GPATCH2: variants seen among roughly 807,000 people sequenced by gnomAD.
The protein encoded by GPATCH2 is G-patch domain containing 2.
Under a neutral mutation model 58.0 loss-of-function variants are expected in GPATCH2, and 51 were observed. That is an observed-to-expected ratio of 0.88 (90% CI 0.70 to 1.11). GPATCH2 has a LOEUF of 1.11. Ranked by LOEUF, GPATCH2 falls within the 50% of genes most tolerant of loss-of-function variation. The probability of loss-of-function intolerance (pLI) is 0.00; values close to 1 mark genes in which losing one functional copy is unlikely to be tolerated. For synonymous variants in GPATCH2, 222 were observed against 218.5 expected (o/e 1.02, Z -0.14); for missense variants, 625 against 652.2 (o/e 0.96, Z 0.45).
chr1:217,449,413 A>T (rs1659554679), intron 8 of GPATCH2, 76 bp from the exon 9 acceptor site: 1 of 860,390 alleles, frequency 1.2e-6, no homozygotes, highest in South Asian at 1.4e-5. Flanking sequence ...GTATCATCTG[A>T]ACCTAAATCA....
At chr1:217,584,344 A>AAAAAAAAAAAAAAT (rs1463910405) in intron 5 of GPATCH2, among the ~76,000 whole-genome samples, 1 of 101,860 alleles carries the variant, frequency 9.8e-6, no homozygotes, top group Non-Finnish European at 2.0e-5. Context: ...AAAAAAAAAA[A>AAAAAAAAAAAAAAT]ATATATATAT....
chr1:217,428,193 G>A lies in GPATCH2; in HGVS notation c.*2952C>T, dbSNP rs1212615984. 1 of 152,102 alleles carries A rather than the reference G, an allele frequency of 6.6e-6. No individual in the cohort carries two copies. The highest frequency in any genetic ancestry group is 1.9e-4 in the East Asian group (1 of 5,190). The allele number at this position is 152,102 out of a possible 1,614,324, so 9.4% of individuals were successfully genotyped here. A position where few individuals can be genotyped will look rare whatever the true frequency, so the allele number is the denominator to read the frequency against. ...ATGTAATCATGCTCAGCGTCTCTAG[G>A]CTATTGCAGGTAATTAGGATAGAAA... is the stretch of plus-strand genomic sequence containing the variant. On this transcript the variant is annotated 3_prime_UTR_variant, in exon 10 of 10. Transcript: ENST00000366935.
intron 3 of GPATCH2, 76 bp from the exon 4 acceptor site, chr1:217,611,147 T>C: frequency 7.7e-7 from 1 of 1,302,204 alleles, no homozygotes; most frequent in Non-Finnish European, 1.1e-6. Flanking sequence ...TCTTGTCAGG[T>C]AATAAAAATA....
intron 8 of GPATCH2, among the ~76,000 whole-genome samples, chr1:217,463,633 T>A (rs1660299978): frequency 1.2e-5 from 1 of 80,736 alleles, no homozygotes; most frequent in East Asian, 3.5e-4. Context: ...AGCAAGAACT[T>A]ATCACTCCAA....
chr1:217,452,747 A>C (rs984009381), intron 8 of GPATCH2, among the ~76,000 whole-genome samples: 2 of 152,068 alleles, frequency 1.3e-5, no homozygotes, highest in Non-Finnish European at 2.9e-5. Context: ...TTTTCATTCA[A>C]CTCCCTTCCC....
chr1:217,544,178 C>T (rs1280482979), intron 5 of GPATCH2, among the ~76,000 whole-genome samples: 2 of 152,228 alleles, frequency 1.3e-5, no homozygotes, highest in East Asian at 1.9e-4. Context: ...GCGGATCACT[C>T]GAGGTCAAGA....
intron 5 of GPATCH2, among the ~76,000 whole-genome samples, chr1:217,573,083 T>C (rs991426470): frequency 3.9e-5 from 6 of 152,114 alleles, no homozygotes; most frequent in Non-Finnish European, 5.9e-5. Context: ...TTTAAGCAAA[T>C]AAAATGACAC....
chr1:217,609,340 A>G, intron 5 of GPATCH2: 1 of 985,278 alleles, frequency 1.0e-6, no homozygotes, highest in Non-Finnish European at 1.2e-6. Flanking sequence ...ATCACACAGC[A>G]TTTGTTAAAA....
intron 5 of GPATCH2, among the ~76,000 whole-genome samples, chr1:217,567,045 GC>G (rs201519873): frequency 0.038 from 5,278 of 140,728 alleles, 254 homozygotes; most frequent in East Asian, 0.17. Flanking sequence ...ATAACTTCTG[GC>G]TTTTTTTTTT....
At chr1:217,451,968 G>A (rs957846182) in intron 8 of GPATCH2, among the ~76,000 whole-genome samples, 2 of 152,212 alleles carry the variant, frequency 1.3e-5, no homozygotes, top group African/African-American at 4.8e-5. Flanking sequence ...AGGGAGTTAT[G>A]AGTAGTTCAG....
intron 8 of GPATCH2, 21 bp from the exon 9 acceptor site, chr1:217,449,358 A>G (rs1473579006): frequency 7.1e-7 from 1 of 1,404,944 alleles, no homozygotes; most frequent in East Asian, 2.3e-5. Context: ...TTATCAGAAA[A>G]AACTATTAAC....
Position 217,461,911 on chromosome 1 carries a change from C to T in GPATCH2, c.1278-12574G>A, listed in dbSNP as rs528349080. Among the ~76,000 whole-genome samples, 13 of 152,186 alleles carry T rather than the reference C, an allele frequency of 8.5e-5. No individual in the cohort carries two copies. The South Asian group carries it at 2.5e-3, about 29-fold the overall frequency. On this transcript the variant is annotated intron_variant, in intron 8 of 9. Coordinates refer to ENST00000366935, the MANE Select transcript of GPATCH2 (RefSeq NM_018040.5). ...CCTAAAACTTTTACAGACTTGTTAG[C>T]AAATATTTACTAGACTATAAAACAT... is the stretch of plus-strand genomic sequence containing the variant.
intron 1 of GPATCH2, among the ~76,000 whole-genome samples, chr1:217,624,979 T>C (rs1027508370): frequency 1.3e-5 from 2 of 152,116 alleles, no homozygotes; most frequent in Admixed American, 1.3e-4. Flanking sequence ...CTACATAAAG[T>C]TGGATTTTAT....
chr1:217,484,556 T>TTA (rs60742327), intron 8 of GPATCH2, among the ~76,000 whole-genome samples: 39,923 of 142,940 alleles, frequency 0.28, 5,645 homozygotes, highest in East Asian at 0.36. Flanking sequence ...ATATAATTAT[T>TTA]TATATATATA....
intron 8 of GPATCH2, among the ~76,000 whole-genome samples, chr1:217,481,487 A>G (rs1248297033): frequency 6.6e-6 from 1 of 152,232 alleles, no homozygotes; most frequent in Non-Finnish European, 1.5e-5. Context: ...GGACCACTGT[A>G]TTTTGTTATA....
intron 8 of GPATCH2, among the ~76,000 whole-genome samples, chr1:217,484,577 T>TTTAG (rs1553328485): frequency 1.4e-4 from 20 of 145,642 alleles, no homozygotes; most frequent in African/African-American, 5.0e-4. Context: ...TATATATATA[T>TTTAG]GATGCACATA....
At chr1:217,525,998 C>T (rs1663886312) in intron 5 of GPATCH2, among the ~76,000 whole-genome samples, 1 of 152,112 alleles carries the variant, frequency 6.6e-6, no homozygotes, top group Non-Finnish European at 1.5e-5. Context: ...TGTGTCATAT[C>T]ATCCATTGTG....
At chr1:217,627,933 A>C (rs1669543401) in intron 1 of GPATCH2, among the ~76,000 whole-genome samples, 1 of 150,552 alleles carries the variant, frequency 6.6e-6, no homozygotes, top group Non-Finnish European at 1.5e-5. Flanking sequence ...CAAAACAAAA[A>C]ATTTAGAATC....
chr1:217,528,559 A>C (rs1237915483), intron 5 of GPATCH2, among the ~76,000 whole-genome samples: 1 of 152,268 alleles, frequency 6.6e-6, no homozygotes, highest in East Asian at 1.9e-4. Flanking sequence ...CAACATTCTA[A>C]TGATCTCCAT....
Sources: allele counts gnomAD v4.1 joint callset (sites outside exome capture counted in the v4.1 genomes callset), GRCh38; gene constraint gnomAD v4.1.1; transcripts MANE v1.5; gene names NCBI Gene and HGNC (gene_info 2026-07-23, HGNC 2026-07-21).